The following GRID2 variants were observed in gnomAD, a reference collection of about 807,000 sequenced individuals.
The protein encoded by GRID2 is glutamate ionotropic receptor delta type subunit 2.
Under a neutral mutation model 114.8 loss-of-function variants are expected in GRID2, and 33 were observed. The ratio of observed to expected loss-of-function variants is 0.29; its 90% confidence interval spans 0.22 to 0.38. The LOEUF is 0.38. Among genes scored for constraint, GRID2 ranks in the 10% least tolerant of loss-of-function variants. The probability of loss-of-function intolerance (pLI) is 1.00; values close to 1 mark genes in which losing one functional copy is unlikely to be tolerated. For missense variants in GRID2, 1,184 were observed against 1,257.7 expected, an observed-to-expected ratio of 0.94 and a Z score of 0.89; for synonymous variants, 505 against 449.9, an observed-to-expected ratio of 1.12 and a Z score of -1.55.
intron 4 of GRID2, among the ~76,000 whole-genome samples, chr4:93,179,345 C>T (rs1046810410): frequency 6.6e-6 from 1 of 152,096 alleles, no homozygotes; most frequent in African/African-American, 2.4e-5. Context: ...ATAACAATTT[C>T]ATTTGGGGAC....
At chr4:93,553,138 G>T (rs1051700554) in intron 13 of GRID2, among the ~76,000 whole-genome samples, 3 of 152,138 alleles carry the variant, frequency 2.0e-5, no homozygotes, top group Non-Finnish European at 4.4e-5. Context: ...AATCCTTAGG[G>T]TATATACCCA....
intron 14 of GRID2, among the ~76,000 whole-genome samples, chr4:93,727,119 G>T (rs531888517): frequency 1.3e-5 from 2 of 152,144 alleles, no homozygotes; most frequent in Admixed American, 6.5e-5. Flanking sequence ...ATTGGCTGTG[G>T]GTTTGTCATA....
chr4:93,038,661 G>A (rs1725171016), intron 2 of GRID2, among the ~76,000 whole-genome samples: 1 of 151,926 alleles, frequency 6.6e-6, no homozygotes, highest in East Asian at 1.9e-4. Flanking sequence ...CGTGGTGGTG[G>A]GCACCTGTAG....
At chr4:93,556,023 G>T (rs540132937) in intron 13 of GRID2, among the ~76,000 whole-genome samples, 4 of 152,170 alleles carry the variant, frequency 2.6e-5, no homozygotes, top group Non-Finnish European at 5.9e-5. Flanking sequence ...GGGCCTGACT[G>T]TTAGAAGGAA....
intron 2 of GRID2, among the ~76,000 whole-genome samples, chr4:92,710,613 A>C (rs1217183618): frequency 6.6e-6 from 1 of 152,192 alleles, no homozygotes; most frequent in African/African-American, 2.4e-5. Context: ...CCTTATTGAG[A>C]GAATGGCTTT....
At chr4:93,126,667 G>C (rs1344588874) in intron 4 of GRID2, among the ~76,000 whole-genome samples, 1 of 124,254 alleles carries the variant, frequency 8.0e-6, no homozygotes, top group African/African-American at 3.1e-5. Flanking sequence ...GCGCGATCTC[G>C]GCTCACTGCA....
intron 2 of GRID2, among the ~76,000 whole-genome samples, chr4:92,649,191 A>C (rs1731803887): frequency 7.1e-6 from 1 of 140,922 alleles, no homozygotes; most frequent in Non-Finnish European, 1.5e-5. Flanking sequence ...AACGGGAGAG[A>C]GGGAAAGATT....
intron 2 of GRID2, among the ~76,000 whole-genome samples, chr4:92,618,551 A>G (rs1188643391): frequency 6.6e-6 from 1 of 151,678 alleles, no homozygotes; most frequent in Non-Finnish European, 1.5e-5. Flanking sequence ...GAAGAATGTC[A>G]TGAATAAGAG....
intron 14 of GRID2, among the ~76,000 whole-genome samples, chr4:93,724,974 G>A (rs1729715663): frequency 6.6e-6 from 1 of 151,778 alleles, no homozygotes; most frequent in African/African-American, 2.4e-5. Context: ...GTAGAGATGA[G>A]TTTTATTTTT....
intron 2 of GRID2, among the ~76,000 whole-genome samples, chr4:92,995,850 T>G (rs1232028880): frequency 6.6e-6 from 1 of 152,182 alleles, no homozygotes; most frequent in Non-Finnish European, 1.5e-5. Flanking sequence ...ATGCAAGCAT[T>G]TCTCCTATCT....
intron 14 of GRID2, among the ~76,000 whole-genome samples, chr4:93,664,431 T>C (rs1269498102): frequency 1.3e-5 from 2 of 152,176 alleles, no homozygotes; most frequent in Non-Finnish European, 2.9e-5. Context: ...CAGTTTCATG[T>C]GATATATGGC....
intron 2 of GRID2, among the ~76,000 whole-genome samples, chr4:93,024,193 T>TA (rs1016417575): frequency 6.6e-6 from 1 of 151,782 alleles, no homozygotes; most frequent in African/African-American, 2.4e-5. Context: ...TTTGCTCCCT[T>TA]AGCCCTCTTT....
intron 2 of GRID2, among the ~76,000 whole-genome samples, chr4:92,900,978 G>A (rs1013191595): frequency 7.5e-6 from 1 of 132,484 alleles, no homozygotes; most frequent in African/African-American, 3.0e-5. Context: ...CCAGTCATCT[G>A]TTTTAGACAC....
chr4:93,252,612 T>G (rs1749094751), intron 8 of GRID2, among the ~76,000 whole-genome samples: 1 of 152,134 alleles, frequency 6.6e-6, no homozygotes, highest in South Asian at 2.1e-4. Context: ...AGAATGTCAA[T>G]GGTAGTTTAA....
Position 92,528,411 on chromosome 4 carries a change from T to C in GRID2, c.89-61720T>C, listed in dbSNP as rs1387876903. On this transcript the variant is annotated intron_variant, in intron 1 of 15. Coordinates refer to ENST00000282020, the MANE Select transcript of GRID2 (RefSeq NM_001510.4). ...GAAGATTGATCCTTGTATTCTTTGT[T>C]TCAGTATTTAAAACTTTCCTTTTCC... Among the ~76,000 whole-genome samples the C allele has an allele frequency of 4.6e-5, 7 of 151,706 alleles. 1 individual carries two copies. Among genetic ancestry groups the C allele is most frequent in the Admixed American group, 4.6e-4 (7 of 15,196 alleles).
intron 8 of GRID2, among the ~76,000 whole-genome samples, chr4:93,318,288 C>A (rs1021189648): frequency 5.3e-5 from 8 of 151,202 alleles, no homozygotes; most frequent in Non-Finnish European, 1.0e-4. Flanking sequence ...ATGAACATAA[C>A]CTTACAGAAA....
intron 3 of GRID2, among the ~76,000 whole-genome samples, chr4:93,101,543 G>T (rs954482097): frequency 3.2e-4 from 49 of 152,082 alleles, no homozygotes; most frequent in African/African-American, 1.2e-3. Flanking sequence ...GCAATACCGT[G>T]TCATATTTCT....
At chr4:93,211,720 G>A (rs1743502285) in intron 5 of GRID2, among the ~76,000 whole-genome samples, 1 of 152,180 alleles carries the variant, frequency 6.6e-6, no homozygotes, top group African/African-American at 2.4e-5. Flanking sequence ...ACACTGCCTA[G>A]CCTCTTAAAA....
chr4:93,061,622 TCA>T (rs1727817862), intron 2 of GRID2, among the ~76,000 whole-genome samples: 1 of 152,042 alleles, frequency 6.6e-6, no homozygotes, highest in Non-Finnish European at 1.5e-5. Flanking sequence ...GACTAGCAAC[TCA>T]CAATACTAAA....
Sources: allele counts gnomAD v4.1 joint callset (sites outside exome capture counted in the v4.1 genomes callset), GRCh38; gene constraint gnomAD v4.1.1; transcripts MANE v1.5; gene names NCBI Gene and HGNC (gene_info 2026-07-23, HGNC 2026-07-21).